Variants in MIA2 observed in about 807,000 individuals in gnomAD.
The protein encoded by MIA2 is melanoma inhibitory activity protein 2.
MIA2 carries 127 observed loss-of-function variants against 167.8 expected under a neutral mutation model. The observed-to-expected ratio is 0.76, with a 90% CI of 0.66 to 0.88. The LOEUF (loss-of-function observed/expected upper bound fraction) is 0.88. Among genes scored for constraint, MIA2 ranks in the 40% least tolerant of loss-of-function variants. The pLI is 0.00. For synonymous variants in MIA2, 552 were observed against 541.9 expected, an observed-to-expected ratio of 1.02 and a Z score of -0.26; for missense variants, 1,690 against 1,624.7, an observed-to-expected ratio of 1.04 and a Z score of -0.69.
At position 39,252,985 on chromosome 14, in the gene MIA2, A is replaced by G; in HGVS notation, c.1786+19A>G. On this transcript the variant is annotated intron_variant, in intron 5 of 28. Transcript: ENST00000640607. ...CAGAAAGGTAAGAAACAGGTTATTT[A>G]TTCTCTAATGCATCAATTAAGGAAG... 6.3e-7 allele frequency: 1 copy of G among 1,581,638 alleles called. No individual in the cohort carries two copies. Among genetic ancestry groups the G allele is most frequent in the Non-Finnish European group, 8.6e-7 (1 of 1,158,274 alleles).
At chr14:39,306,521 A>G (rs1014159753) in intron 17 of MIA2, among the ~76,000 whole-genome samples, 4 of 152,186 alleles carry the variant, frequency 2.6e-5, no homozygotes, top group Non-Finnish European at 5.9e-5. Flanking sequence ...GTGATAAACC[A>G]TTAGAAACCA....
At chr14:39,317,025 G>A (rs373874236) in intron 21 of MIA2, among the ~76,000 whole-genome samples, 3 of 152,264 alleles carry the variant, frequency 2.0e-5, no homozygotes, top group South Asian at 4.1e-4. Context: ...GGTAGATAAA[G>A]GTTATCTCAG....
At chr14:39,259,980 T>C (rs1300216997) in intron 6 of MIA2, among the ~76,000 whole-genome samples, 1 of 152,134 alleles carries the variant, frequency 6.6e-6, no homozygotes, top group African/African-American at 2.4e-5. Context: ...GTCCTTGCAA[T>C]AGTTTGCTCA....
chr14:39,336,698 T>C (rs967532264), intron 25 of MIA2, among the ~76,000 whole-genome samples: 1 of 152,158 alleles, frequency 6.6e-6, no homozygotes, highest in Non-Finnish European at 1.5e-5. Context: ...ATCAAGAAAT[T>C]TGCTTTCTGG....
rs1056781320 is a variant in MIA2, at chr14:39,384,698, G to A, written c.2249-2187G>A. Among the ~76,000 whole-genome samples, 24 of 152,298 alleles carry A rather than the reference G, an allele frequency of 1.6e-4. No homozygotes were observed. The Middle Eastern group carries it at 0.01, about 65-fold the overall frequency. ...GCACACTCAGCCAGGTGCCTGGCAA[G>A]ATGACACATTTCCTGGTCTGAAGCT... On this transcript the variant is annotated intron_variant, in intron 23 of 23. Transcript: ENST00000341502.
chr14:39,298,443 A>ATATATATATATATATATGT (rs1372100362), intron 13 of MIA2, among the ~76,000 whole-genome samples: 1,186 of 49,762 alleles, frequency 0.024, 166 homozygotes, highest in Non-Finnish European at 0.032. Flanking sequence ...ATATATATAT[A>ATATATATATATATATATGT]AAGATTAGTT....
At chr14:39,245,613 G>C (rs2054266713) in intron 3 of MIA2, among the ~76,000 whole-genome samples, 1 of 152,104 alleles carries the variant, frequency 6.6e-6, no homozygotes, top group Non-Finnish European at 1.5e-5. Flanking sequence ...ACCTTACAAA[G>C]AAAATAAATT....
intron 25 of MIA2, among the ~76,000 whole-genome samples, chr14:39,328,777 G>A (rs1472010321): frequency 6.6e-6 from 1 of 152,118 alleles, no homozygotes; most frequent in Non-Finnish European, 1.5e-5. Context: ...GTTGGTTGTA[G>A]ATGTGTTGTG....
rs138142753 is a variant in MIA2, at chr14:39,331,445, G to A, written c.3655+4423G>A. On this transcript the variant is annotated intron_variant, in intron 25 of 28. Transcript: ENST00000640607. The stretch of plus-strand genomic sequence containing the variant: ...CTCTGTCTTTTAATTGGGGCATTTA[G>A]CCCATTTACATTTAAGGTTAATATT... 6.7e-3 allele frequency among the ~76,000 whole-genome samples: 1,018 copies of A among 152,232 alleles called. 3 individuals are homozygous for A. Among genetic ancestry groups the A allele is most frequent in the Non-Finnish European group, 0.011 (771 of 68,022 alleles).
intron 14 of MIA2, among the ~76,000 whole-genome samples, chr14:39,300,963 C>CACATATATACACATATAT: frequency 7.0e-6 from 1 of 143,238 alleles, no homozygotes; most frequent in Admixed American, 6.9e-5. Context: ...CATACATATA[C>CACATATATACACATATAT]ACATATATAC....
downstream of MIA2, among the ~76,000 whole-genome samples, chr14:39,355,736 T>A (rs552825258): frequency 1.8e-3 from 274 of 152,348 alleles, 1 homozygote; most frequent in African/African-American, 6.1e-3. Flanking sequence ...CATCAATACC[T>A]AATTTATTGA....
At chr14:39,376,039 C>T (rs1341728734) in intron 23 of MIA2, among the ~76,000 whole-genome samples, 26 of 152,136 alleles carry the variant, frequency 1.7e-4, no homozygotes, top group Non-Finnish European at 3.5e-4. Context: ...CTGCAACCTC[C>T]ACCTCCTGGG....
chr14:39,340,807 A>T (rs2071640860), intron 25 of MIA2, among the ~76,000 whole-genome samples: 2 of 152,332 alleles, frequency 1.3e-5, no homozygotes, highest in East Asian at 3.9e-4. Context: ...ATAAATTCTA[A>T]TGATTATTCA....
intron 23 of MIA2, among the ~76,000 whole-genome samples, chr14:39,373,300 C>A (rs1020294321): frequency 1.9e-5 from 2 of 105,960 alleles, no homozygotes; most frequent in Non-Finnish European, 3.8e-5. Flanking sequence ...GCAAAAAATT[C>A]TTGGCCAAAA....
At chr14:39,237,268 C>CTGT (rs1487638039) in intron 2 of MIA2, 1 of 577,504 alleles carries the variant, frequency 1.7e-6, no homozygotes, top group South Asian at 1.8e-5. Flanking sequence ...GCTGGGACTA[C>CTGT]AGGTGTGTGT....
chr14:39,321,735 T>G (rs919217751), intron 24 of MIA2, among the ~76,000 whole-genome samples: 2 of 151,302 alleles, frequency 1.3e-5, no homozygotes, highest in Admixed American at 1.3e-4. Context: ...AGCATAAAAA[T>G]TATCTATGTG....
At chr14:39,349,726 A>G (rs2074125607) in intron 28 of MIA2, among the ~76,000 whole-genome samples, 1 of 152,214 alleles carries the variant, frequency 6.6e-6, no homozygotes, top group Admixed American at 6.5e-5. Flanking sequence ...AGAATTGGGA[A>G]TCACTAATAC....
At chr14:39,290,124 C>T (rs2060525220) in intron 9 of MIA2, among the ~76,000 whole-genome samples, 1 of 152,190 alleles carries the variant, frequency 6.6e-6, no homozygotes, top group Non-Finnish European at 1.5e-5. Flanking sequence ...CAGGGTTCAT[C>T]TGACTTGGCA....
intron 6 of MIA2, chr14:39,267,027 G>C (rs2055849345): frequency 7.0e-6 from 7 of 1,005,994 alleles, no homozygotes; most frequent in African/African-American, 1.7e-5. Context: ...CCAGGGCTGG[G>C]TGGCTTCGCC....
Sources: allele counts gnomAD v4.1 joint callset (sites outside exome capture counted in the v4.1 genomes callset), GRCh38; gene constraint gnomAD v4.1.1; transcripts MANE v1.5; gene names NCBI Gene and HGNC (gene_info 2026-07-23, HGNC 2026-07-21).